STIL: variants seen among roughly 807,000 people sequenced by gnomAD.
The protein encoded by STIL is STIL centriolar assembly protein.
In STIL, 55 loss-of-function variants were observed where a neutral mutation model predicts 110.1. The observed-to-expected ratio is 0.50, with a 90% confidence interval of 0.40 to 0.63. The LOEUF (loss-of-function observed/expected upper bound fraction) is 0.63, where lower values mean the gene tolerates loss of function less well. Ranked by LOEUF, STIL falls within the 20% of genes least tolerant of loss-of-function variation. The pLI is 0.00. For synonymous variants in STIL, 481 were observed against 530.0 expected (o/e 0.91, Z 1.27); for missense variants, 1,358 against 1,530.0 (o/e 0.89, Z 1.87).
At chr1:47,285,124 T>G (rs1240879028) in intron 10 of STIL, among the ~76,000 whole-genome samples, 1 of 150,936 alleles carries the variant, frequency 6.6e-6, no homozygotes, top group Non-Finnish European at 1.5e-5. Flanking sequence ...CCTGGGCAAG[T>G]GATCCTCCCA....
chr1:47,296,378 C>A (rs542179172), intron 6 of STIL, among the ~76,000 whole-genome samples: 45 of 152,254 alleles, frequency 3.0e-4, no homozygotes, highest in African/African-American at 1.0e-3. Context: ...CACAAAAGCT[C>A]ACTCTTTCCT....
chr1:47,269,872 G>C lies in STIL; in HGVS notation c.2384-6C>G. 1 of 1,610,358 alleles carries C rather than the reference G, an allele frequency of 6.2e-7. No individual in the cohort carries two copies. On this transcript the variant is annotated splice_polypyrimidine_tract_variant and splice_region_variant and intron_variant, in intron 13 of 16. Transcript: ENST00000371877. Reference sequence around the variant, plus strand: ...ATTCCAAAACAAGCTAGCACCTGGAGGTTAAATAATTTAAGATACTGAAAC... The same window carrying C: ...ATTCCAAAACAAGCTAGCACCTGGACGTTAAATAATTTAAGATACTGAAAC...
At chr1:47,292,235 C>CAATA (rs538447901) in intron 8 of STIL, among the ~76,000 whole-genome samples, 348 of 151,726 alleles carry the variant, frequency 2.3e-3, no homozygotes, top group African/African-American at 7.4e-3. Context: ...AATAGGTGCT[C>CAATA]AATAAATAAA....
At chr1:47,270,670 CTTTTTTTT>C (rs542462270) in intron 13 of STIL, among the ~76,000 whole-genome samples, 202 of 94,086 alleles carry the variant, frequency 2.1e-3, no homozygotes, top group Middle Eastern at 9.1e-3. Context: ...GTTTCCCAAT[CTTTTTTTT>C]TTTTTTTTTT....
chr1:47,293,514 A>C lies in STIL; in HGVS notation c.816T>G (p.Ser272Arg), dbSNP rs1199534987. 6.2e-7 allele frequency: 1 copy of C among 1,613,330 alleles called. No individual in the cohort carries two copies. The highest frequency in any genetic ancestry group is 8.5e-7 in the Non-Finnish European group (1 of 1,179,514). The change falls in exon 8 of 17, where the codon AGT (serine) becomes AGG (arginine). Residue 272 changes from serine (S) to arginine (R), a missense_variant. By Grantham distance (110) the Ser-to-Arg change is moderately radical. Coordinates refer to ENST00000371877, the MANE Select transcript of STIL (RefSeq NM_001048166.1). Reference sequence around the variant, plus strand: ...GCAAACAGCAAGCCCATACCTGAGGACTATAGATATGTGTAATTCCAGACA... The same window carrying C: ...GCAAACAGCAAGCCCATACCTGAGGCCTATAGATATGTGTAATTCCAGACA... ...IWLSGITHIY[S>R]PQVWACCLRY...
intron 16 of STIL, among the ~76,000 whole-genome samples, chr1:47,255,117 C>T (rs1380046211): frequency 3.3e-5 from 5 of 151,406 alleles, no homozygotes; most frequent in Non-Finnish European, 5.9e-5. Flanking sequence ...AAAATAGAGA[C>T]CACATCACTA....
intron 12 of STIL, among the ~76,000 whole-genome samples, chr1:47,275,292 G>A (rs114959295): frequency 0.015 from 2,239 of 151,820 alleles, 61 homozygotes; most frequent in African/African-American, 0.051. Context: ...TAATCCTGAA[G>A]GGAGAGGGAG....
At chr1:47,285,442 C>G (rs146203323) in intron 10 of STIL, among the ~76,000 whole-genome samples, 4 of 152,204 alleles carry the variant, frequency 2.6e-5, no homozygotes, top group Non-Finnish European at 5.9e-5. Context: ...TCTGGAGAAC[C>G]CTAATACAAG....
rs746759104 is a variant in STIL, at chr1:47,301,670, G to A, written c.344C>T (p.Thr115Ile). 1.2e-6 allele frequency: 2 copies of A among 1,614,018 alleles called. No individual in the cohort carries two copies. Among genetic ancestry groups the A allele is most frequent in the Admixed American group, 3.3e-5 (2 of 60,010 alleles). The change falls in exon 5 of 17, where the codon ACT (threonine) becomes ATT (isoleucine). Residue 115 changes from threonine (T) to isoleucine (I), a missense_variant. Physicochemically the swap from Thr to Ile is moderately conservative, Grantham distance 89. Coordinates refer to ENST00000371877, the MANE Select transcript of STIL (RefSeq NM_001048166.1). ...EVPECLEITP[T>I]ASLPGDFLIP... The stretch of plus-strand genomic sequence containing the variant: ...CAAAAAGTCCCCAGGAAGAGAAGCA[G>A]TAGGGGTTATTTCTAGGCATTCAGG...
At position 47,251,114 on chromosome 1, in the gene STIL, A is replaced by G. The variant is rs748852313; in HGVS notation, c.*22T>C. The G allele has an allele frequency of 3.1e-6, 5 of 1,609,056 alleles. No homozygotes were observed. The South Asian group carries it at 5.5e-5, about 18-fold the overall frequency. On this transcript the variant is annotated 3_prime_UTR_variant, in exon 17 of 17. Coordinates refer to ENST00000371877, the MANE Select transcript of STIL (RefSeq NM_001048166.1). The stretch of plus-strand genomic sequence containing the variant: ...TCAGGAGACACCCTGTCCCTGTATT[A>G]AAAGGGCAGGGAGTTAAAAGGTTAA...
chr1:47,253,864 A>G (rs981779147), intron 16 of STIL, among the ~76,000 whole-genome samples: 1 of 152,036 alleles, frequency 6.6e-6, no homozygotes, highest in African/African-American at 2.4e-5. Context: ...TTCGCAAAAA[A>G]CTATTTCCAA....
intron 14 of STIL, among the ~76,000 whole-genome samples, chr1:47,268,115 AATAGAC>A (rs1226143125): frequency 1.3e-5 from 2 of 152,200 alleles, no homozygotes; most frequent in African/African-American, 4.8e-5. Context: ...ATCACTCAAA[AATAGAC>A]TCTTTTATAT....
At chr1:47,282,505 G>T in intron 10 of STIL, 46 bp from the exon 11 acceptor site, 1 of 1,167,798 alleles carries the variant, frequency 8.6e-7, no homozygotes, top group Non-Finnish European at 1.3e-6. Context: ...GTAATCCAGT[G>T]TTTTCTTTCT....
intron 14 of STIL, among the ~76,000 whole-genome samples, chr1:47,265,054 G>A (rs548545334): frequency 1.3e-5 from 2 of 150,778 alleles, no homozygotes; most frequent in South Asian, 2.1e-4. Context: ...TGGCCAACAC[G>A]GTGAAACACC....
chr1:47,251,798 C>T lies in STIL; in HGVS notation c.3205G>A (p.Ala1069Thr). The T allele has an allele frequency of 6.2e-7, 1 of 1,611,648 alleles. No individual in the cohort carries two copies. The highest frequency in any genetic ancestry group is 8.5e-7 in the Non-Finnish European group (1 of 1,178,614). ...VDLSMEANAI[A>T]LKYLNENQLS... ...TGATTTTCATTTAAATATTTCAGAG[C>T]TATAGCATTTGCCTCCATGCTCAAA... The change falls in exon 17 of 17, where the codon GCT (alanine) becomes ACT (threonine). Residue 1069 changes from alanine to threonine, a missense_variant. Ala to Thr is a moderately conservative substitution (Grantham distance 58, BLOSUM62 0). Coordinates refer to ENST00000371877, the MANE Select transcript of STIL (RefSeq NM_001048166.1).
intron 6 of STIL, 178 bp downstream of exon 6, chr1:47,299,727 T>TA (rs1645748144): frequency 2.8e-6 from 2 of 721,944 alleles, no homozygotes; most frequent in Admixed American, 2.9e-5. Context: ...TGGCACAACT[T>TA]AAAGAAAATT....
intron 12 of STIL, among the ~76,000 whole-genome samples, chr1:47,274,337 C>CA (rs1644924070): frequency 6.7e-6 from 1 of 150,372 alleles, no homozygotes; most frequent in Non-Finnish European, 1.5e-5. Flanking sequence ...CAGAACTTTT[C>CA]TTTTTTTTCT....
At chr1:47,269,101 A>AG (rs1348585793) in intron 14 of STIL, among the ~76,000 whole-genome samples, 2 of 152,062 alleles carry the variant, frequency 1.3e-5, no homozygotes, top group Admixed American at 1.3e-4. Flanking sequence ...AAAAAAAAAA[A>AG]AAAAAATTTC....
Position 47,282,646 on chromosome 1 carries a change from C to A in STIL, c.1134-187G>T, listed in dbSNP as rs1645184456. ...TGACCAGGGAAGCTGGACCAGCCAG[C>A]CTTAATAAACTACCCTATTTACCTG... On this transcript the variant is annotated intron_variant, in intron 10 of 16. Coordinates refer to ENST00000371877, the MANE Select transcript of STIL (RefSeq NM_001048166.1). 5.3e-6 allele frequency: 3 copies of A among 561,264 alleles called. No homozygotes were observed. The South Asian group carries it at 6.1e-5, about 11-fold the overall frequency. 34.8% of individuals were successfully genotyped at this position (561,264 alleles called of 1,614,324 possible). A position where few individuals can be genotyped will look rare whatever the true frequency, so the allele number is the denominator to read the frequency against.
Sources: allele counts gnomAD v4.1 joint callset (sites outside exome capture counted in the v4.1 genomes callset), GRCh38; gene constraint gnomAD v4.1.1; transcripts MANE v1.5; gene names NCBI Gene and HGNC (gene_info 2026-07-23, HGNC 2026-07-21).